Variants in TENM1 observed in about 807,000 individuals in gnomAD.
TENM1 encodes teneurin transmembrane protein 1.
Under a neutral mutation model 174.8 loss-of-function variants are expected in TENM1, and 35 were observed. The ratio of observed to expected loss-of-function variants is 0.20; its 90% CI spans 0.15 to 0.27. TENM1 has a LOEUF of 0.27. Ranked by LOEUF, TENM1 falls within the 10% of genes least tolerant of loss-of-function variation. The pLI, the probability that TENM1 is intolerant of heterozygous loss-of-function variation, is 1.00. For missense variants in TENM1, 1,633 were observed against 2,130.1 expected (o/e 0.77, Z 4.59); for synonymous variants, 781 against 798.7 (o/e 0.98, Z 0.37).
chrX:125,021,367 T>C, the TENM1 span, among the ~76,000 whole-genome samples: 2 of 111,145 alleles, frequency 1.8e-5, no homozygotes, highest in African/African-American at 6.5e-5. Context: ...CAGTTTTCTA[T>C]GAATGTGGAC....
chrX:124,719,323 CA>C (rs1185326258), intron 4 of TENM1, among the ~76,000 whole-genome samples: 1 of 110,495 alleles, frequency 9.1e-6, no homozygotes, highest in Non-Finnish European at 1.9e-5. Context: ...ATAATTGCCT[CA>C]AACATTTACC....
intron 6 of TENM1, among the ~76,000 whole-genome samples, chrX:124,669,081 C>T (rs1379676657): frequency 1.8e-5 from 2 of 111,629 alleles, no homozygotes; most frequent in African/African-American, 6.5e-5. Context: ...TCTTTTGGTC[C>T]GATAATAACT....
chrX:125,043,175 A>C, the TENM1 span, among the ~76,000 whole-genome samples: 60 of 95,025 alleles, frequency 6.3e-4, no homozygotes, highest in African/African-American at 1.9e-3. Context: ...GGATCTAATT[A>C]AACTAAAGAG....
In TENM1 at chrX:124,432,553, T is replaced by C. The variant is rs765945042; in HGVS notation, c.4105-9915A>G. ...CCTCCTGAGTAGCTGGGACTACAGGTATGCACCACCACAACTAGCTATTTT... is the reference window on the plus strand; with the variant it reads ...CCTCCTGAGTAGCTGGGACTACAGGCATGCACCACCACAACTAGCTATTTT... On this transcript the variant is annotated intron_variant, in intron 23 of 31. Coordinates refer to ENST00000422452, the Ensembl canonical transcript of TENM1. Among the ~76,000 whole-genome samples, 7 of 111,722 alleles carry C rather than the reference T, an allele frequency of 6.3e-5. No homozygotes were observed. In the South Asian group the frequency reaches 1.9e-3, roughly 30 times the overall value.
At chrX:124,440,867 C>T (rs1210291437) in intron 23 of TENM1, among the ~76,000 whole-genome samples, 1 of 111,445 alleles carries the variant, frequency 9.0e-6, no homozygotes, top group Admixed American at 9.5e-5. Flanking sequence ...TCTGTGACAG[C>T]ATAATTTGAT....
At chrX:124,495,156 A>G (rs1231713391) in intron 20 of TENM1, among the ~76,000 whole-genome samples, 1 of 101,733 alleles carries the variant, frequency 9.8e-6, no homozygotes, top group Non-Finnish European at 2.0e-5. Context: ...CTATTTCTCC[A>G]CATCCTCTCC....
chrX:124,933,110 A>G (rs757258117), intron 1 of TENM1, among the ~76,000 whole-genome samples: 1 of 111,917 alleles, frequency 8.9e-6, no homozygotes, highest in East Asian at 2.8e-4. Flanking sequence ...TATAGCTCCA[A>G]CTTTTGATTA....
chrX:124,403,829 C>T (rs1216848766), intron 27 of TENM1, among the ~76,000 whole-genome samples: 1 of 111,803 alleles, frequency 8.9e-6, no homozygotes, highest in African/African-American at 3.3e-5. Flanking sequence ...CTAAATCATT[C>T]GGATCACCTG....
chrX:124,775,124 C>T (rs1055800197), intron 3 of TENM1, among the ~76,000 whole-genome samples: 1 of 109,636 alleles, frequency 9.1e-6, no homozygotes, highest in Non-Finnish European at 1.9e-5. Flanking sequence ...TACTTAATGG[C>T]ACCATAAACC....
the TENM1 span, among the ~76,000 whole-genome samples, chrX:124,976,510 T>C: frequency 2.9e-4 from 33 of 112,126 alleles, no homozygotes; most frequent in Non-Finnish European, 6.0e-4. Flanking sequence ...AAGAAGACTT[T>C]AGATCCTACA....
At chrX:124,683,205 G>A (rs1250916738) in intron 5 of TENM1, among the ~76,000 whole-genome samples, 1 of 111,637 alleles carries the variant, frequency 9.0e-6, no homozygotes, top group African/African-American at 3.3e-5. Context: ...TTTTACAGAA[G>A]AGGAAAATAA....
chrX:124,484,297 T>C (rs2046907892), intron 21 of TENM1, among the ~76,000 whole-genome samples: 1 of 111,752 alleles, frequency 8.9e-6, no homozygotes, highest in South Asian at 3.8e-4. Context: ...ATCTCCTGGC[T>C]GAAATAGTGT....
At chrX:124,716,610 C>T (rs2098294864) in intron 4 of TENM1, among the ~76,000 whole-genome samples, 1 of 112,333 alleles carries the variant, frequency 8.9e-6, no homozygotes, top group Admixed American at 9.5e-5. Context: ...GCCTTTCAAA[C>T]AGTGACAAAT....
At chrX:124,423,076 T>C (rs2060672729) in intron 23 of TENM1, among the ~76,000 whole-genome samples, 1 of 112,308 alleles carries the variant, frequency 8.9e-6, no homozygotes, top group East Asian at 2.8e-4. Flanking sequence ...TTCCGGTAGC[T>C]ATGATACTCA....
At chrX:124,559,660 C>G (rs1156304468) in intron 14 of TENM1, among the ~76,000 whole-genome samples, 1 of 109,875 alleles carries the variant, frequency 9.1e-6, no homozygotes, top group African/African-American at 3.3e-5. Flanking sequence ...AGAACAAGAC[C>G]CTGTCTCAAA....
At chrX:124,499,468 T>A (rs1014747073) in intron 19 of TENM1, among the ~76,000 whole-genome samples, 1 of 111,944 alleles carries the variant, frequency 8.9e-6, no homozygotes, top group Non-Finnish European at 1.9e-5. Flanking sequence ...TTGCAACACA[T>A]GATTTGCAGG....
At chrX:124,675,292 C>T (rs2052039511) in intron 5 of TENM1, among the ~76,000 whole-genome samples, 3 of 111,469 alleles carry the variant, frequency 2.7e-5, no homozygotes, top group African/African-American at 6.5e-5. Context: ...TAGGTACTGG[C>T]CAACCAAAAT....
At chrX:124,601,260 C>G (rs1002683940) in intron 11 of TENM1, among the ~76,000 whole-genome samples, 38 of 111,157 alleles carry the variant, frequency 3.4e-4, no homozygotes, top group African/African-American at 1.2e-3. Flanking sequence ...GTGGGAGAGA[C>G]AAAACCATGT....
chrX:124,879,961 A>G (rs1603258600), intron 3 of TENM1, among the ~76,000 whole-genome samples: 1 of 111,648 alleles, frequency 9.0e-6, no homozygotes, highest in Non-Finnish European at 1.9e-5. Flanking sequence ...TCTTGTAATA[A>G]ATTTTGAAGT....
Sources: gnomAD v4.1 joint callset for allele counts (sites outside exome capture counted in the v4.1 genomes callset) on GRCh38, gnomAD v4.1.1 for gene constraint, MANE v1.5 for transcripts, NCBI Gene and HGNC (gene_info 2026-07-23, HGNC 2026-07-21) for gene names.